Variants in TNFSF4 observed in about 807,000 individuals in gnomAD.
The protein encoded by TNFSF4 is TNF superfamily member 4.
Under a neutral mutation model 7.3 loss-of-function variants are expected in TNFSF4, and 4 were observed. The ratio of observed to expected loss-of-function variants is 0.55; its 90% CI spans 0.27 to 1.25. The LOEUF is 1.25. TNFSF4 is among the 50% of genes most tolerant of loss of function. TNFSF4 has a pLI of 0.12. For synonymous variants in TNFSF4, 76 were observed against 83.7 expected, an observed-to-expected ratio of 0.91 and a Z score of 0.50; for missense variants, 181 against 208.8, an observed-to-expected ratio of 0.87 and a Z score of 0.82.
the TNFSF4 span, among the ~76,000 whole-genome samples, chr1:173,405,366 C>T: frequency 1.3e-5 from 2 of 152,116 alleles, no homozygotes; most frequent in Non-Finnish European, 2.9e-5. Context: ...ATATATTTGG[C>T]TTTTGTTTTT....
At chr1:173,371,670 G>C in the TNFSF4 span, among the ~76,000 whole-genome samples, 6 of 151,982 alleles carry the variant, frequency 3.9e-5, no homozygotes, top group Non-Finnish European at 8.8e-5. Context: ...AAATGGTTAG[G>C]GGAGACTAGT....
At chr1:173,228,801 G>C in the TNFSF4 span, among the ~76,000 whole-genome samples, 2 of 152,224 alleles carry the variant, frequency 1.3e-5, no homozygotes, top group African/African-American at 4.8e-5. Flanking sequence ...TTCAGTAGCT[G>C]ATTCAATCAA....
chr1:173,444,205 A>G, the TNFSF4 span, among the ~76,000 whole-genome samples: 2 of 152,150 alleles, frequency 1.3e-5, no homozygotes, highest in African/African-American at 2.4e-5. Flanking sequence ...TCTCCAACAC[A>G]GCAAGGCTGT....
At chr1:173,306,555 G>C in the TNFSF4 span, among the ~76,000 whole-genome samples, 1 of 151,886 alleles carries the variant, frequency 6.6e-6, no homozygotes, top group African/African-American at 2.4e-5. Context: ...TTCCTGGAGT[G>C]GTTTTGTGGC....
chr1:173,317,047 C>T, the TNFSF4 span, among the ~76,000 whole-genome samples: 1 of 152,138 alleles, frequency 6.6e-6, no homozygotes, highest in Non-Finnish European at 1.5e-5. Context: ...CATTCTGGGA[C>T]TTCAGTCATA....
chr1:173,420,503 T>G, the TNFSF4 span, among the ~76,000 whole-genome samples: 4 of 152,210 alleles, frequency 2.6e-5, no homozygotes, highest in African/African-American at 7.2e-5. Flanking sequence ...CTTAGGCACA[T>G]TGCAGTTAAA....
At chr1:173,394,949 G>A in the TNFSF4 span, among the ~76,000 whole-genome samples, 2 of 151,008 alleles carry the variant, frequency 1.3e-5, no homozygotes, top group Non-Finnish European at 2.9e-5. Flanking sequence ...TAGATAGACA[G>A]ACAGACAGAC....
intron 1 of TNFSF4, 123 bp downstream of exon 1, chr1:173,206,901 G>A: frequency 8.8e-7 from 1 of 1,140,672 alleles, no homozygotes; most frequent in Non-Finnish European, 1.2e-6. Flanking sequence ...CGATTGCTGT[G>A]GGGAGAGGGA....
the TNFSF4 span, among the ~76,000 whole-genome samples, chr1:173,319,705 C>T: frequency 6.6e-6 from 1 of 152,246 alleles, no homozygotes; most frequent in East Asian, 1.9e-4. Context: ...CTGGTAATAC[C>T]CAGGGAAACA....
At chr1:173,225,590 G>A in the TNFSF4 span, among the ~76,000 whole-genome samples, 1 of 152,172 alleles carries the variant, frequency 6.6e-6, no homozygotes, top group African/African-American at 2.4e-5. Flanking sequence ...GCATATGTCG[G>A]TGTTTTAAGT....
At chr1:173,450,103 A>G in the TNFSF4 span, among the ~76,000 whole-genome samples, 44 of 152,332 alleles carry the variant, frequency 2.9e-4, no homozygotes, top group African/African-American at 9.6e-4. Context: ...CATCACTATT[A>G]ACCCCACAGA....
chr1:173,280,059 C>G, the TNFSF4 span, among the ~76,000 whole-genome samples: 1 of 152,106 alleles, frequency 6.6e-6, no homozygotes, highest in Non-Finnish European at 1.5e-5. Flanking sequence ...GTTTTATACA[C>G]AGTGCCCCTG....
chr1:173,396,777 G>C, the TNFSF4 span, among the ~76,000 whole-genome samples: 2 of 152,192 alleles, frequency 1.3e-5, no homozygotes, highest in African/African-American at 2.4e-5. Flanking sequence ...TCTTAGAGCG[G>C]ATTTGTCATT....
chr1:173,288,969 T>A, the TNFSF4 span, among the ~76,000 whole-genome samples: 79 of 152,174 alleles, frequency 5.2e-4, no homozygotes, highest in Non-Finnish European at 1.0e-3. Flanking sequence ...AAGAGACCCC[T>A]ATGCCTACTC....
At chr1:173,177,383 C>T in the TNFSF4 span, among the ~76,000 whole-genome samples, 4 of 151,548 alleles carry the variant, frequency 2.6e-5, no homozygotes, top group East Asian at 7.8e-4. Context: ...ATAAGTGGGA[C>T]CTAAACATTG....
the TNFSF4 span, among the ~76,000 whole-genome samples, chr1:173,320,092 A>C: frequency 4.6e-5 from 7 of 152,146 alleles, no homozygotes; most frequent in African/African-American, 1.4e-4. Context: ...AATAAAATGA[A>C]GGCAAACTGA....
chr1:173,377,127 G>A, the TNFSF4 span, among the ~76,000 whole-genome samples: 1 of 152,180 alleles, frequency 6.6e-6, no homozygotes, highest in Admixed American at 6.5e-5. Context: ...CATTCTTGAA[G>A]TCAGCAAGAC....
downstream of TNFSF4, among the ~76,000 whole-genome samples, chr1:173,183,477 T>C (rs1363309675): frequency 1.3e-5 from 2 of 152,176 alleles, no homozygotes; most frequent in South Asian, 2.1e-4. Flanking sequence ...GGAAAAACAG[T>C]ACATGGTAGA....
chr1:173,210,435 G>A (rs577916016), upstream of TNFSF4, among the ~76,000 whole-genome samples: 1 of 152,328 alleles, frequency 6.6e-6, no homozygotes, highest in South Asian at 2.1e-4. Flanking sequence ...TGTTGGGCCA[G>A]GAGTGAGGGC....
Sources: gnomAD v4.1 joint callset for allele counts (sites outside exome capture counted in the v4.1 genomes callset) on GRCh38, gnomAD v4.1.1 for gene constraint, MANE v1.5 for transcripts, NCBI Gene and HGNC (gene_info 2026-07-23, HGNC 2026-07-21) for gene names.